GPC5: variants seen among roughly 807,000 people sequenced by gnomAD.
The protein encoded by GPC5 is glypican 5.
GPC5 carries 47 observed loss-of-function variants against 53.9 expected under a neutral mutation model. That is an observed-to-expected ratio of 0.87 (90% CI 0.69 to 1.11). The LOEUF (loss-of-function observed/expected upper bound fraction) is 1.11, where lower values mean the gene tolerates loss of function less well. Among genes scored for constraint, GPC5 ranks in the 50% most tolerant of loss-of-function variants. The probability of loss-of-function intolerance (pLI) is 0.00; values close to 1 mark genes in which losing one functional copy is unlikely to be tolerated. For missense variants in GPC5, 748 were observed against 713.1 expected (o/e 1.05, Z -0.56); for synonymous variants, 286 against 263.3 (o/e 1.09, Z -0.84).
At chr13:92,302,422 T>C (rs983695271) in intron 7 of GPC5, among the ~76,000 whole-genome samples, 7 of 152,312 alleles carry the variant, frequency 4.6e-5, no homozygotes, top group African/African-American at 1.7e-4. Flanking sequence ...AATGCAAACT[T>C]CATTTTGTTA....
intron 5 of GPC5, among the ~76,000 whole-genome samples, chr13:91,860,952 A>G (rs1290654921): frequency 6.6e-6 from 1 of 152,074 alleles, no homozygotes; most frequent in East Asian, 1.9e-4. Context: ...TATTTTTTCT[A>G]AATTATCTTT....
At chr13:91,860,469 C>T (rs2039014623) in intron 5 of GPC5, among the ~76,000 whole-genome samples, 1 of 146,666 alleles carries the variant, frequency 6.8e-6, no homozygotes, top group Admixed American at 6.8e-5. Context: ...TTCCTTCCTT[C>T]CTGCCTTCCT....
At chr13:92,113,765 T>G (rs1476949929) in intron 6 of GPC5, among the ~76,000 whole-genome samples, 1 of 151,132 alleles carries the variant, frequency 6.6e-6, no homozygotes, top group Non-Finnish European at 1.5e-5. Flanking sequence ...TCCAGAGAAA[T>G]AAAGGTTATT....
intron 5 of GPC5, among the ~76,000 whole-genome samples, chr13:91,867,584 GTGTT>G (rs2039098455): frequency 6.6e-6 from 1 of 152,214 alleles, no homozygotes; most frequent in South Asian, 2.1e-4. Context: ...GGTTTTCAGT[GTGTT>G]TGTCCCTATC....
intron 2 of GPC5, among the ~76,000 whole-genome samples, chr13:91,572,966 G>A (rs1007755741): frequency 3.3e-5 from 5 of 152,122 alleles, no homozygotes; most frequent in Non-Finnish European, 5.9e-5. Context: ...AAGGCATACC[G>A]GAGAAAAGGA....
At chr13:92,475,385 T>C (rs1879072487) in intron 7 of GPC5, among the ~76,000 whole-genome samples, 1 of 146,654 alleles carries the variant, frequency 6.8e-6, no homozygotes, top group Admixed American at 6.9e-5. Context: ...CCTTGAGCAG[T>C]GGTTTGTAGT....
At chr13:92,529,699 A>G (rs558558918) in intron 7 of GPC5, among the ~76,000 whole-genome samples, 4 of 152,210 alleles carry the variant, frequency 2.6e-5, no homozygotes, top group Non-Finnish European at 5.9e-5. Flanking sequence ...AACACTTTTA[A>G]CCTAGAATTT....
At chr13:92,656,528 G>A (rs1886143226) in intron 7 of GPC5, among the ~76,000 whole-genome samples, 1 of 152,072 alleles carries the variant, frequency 6.6e-6, no homozygotes, top group African/African-American at 2.4e-5. Flanking sequence ...GAACCAATGG[G>A]CTACATTCAA....
At chr13:91,895,100 G>A (rs2039427307) in intron 5 of GPC5, among the ~76,000 whole-genome samples, 2 of 151,196 alleles carry the variant, frequency 1.3e-5, no homozygotes. Flanking sequence ...AGGTCCGCCT[G>A]AGTGAAGACT....
At chr13:92,815,683 T>C (rs1877448743) in intron 7 of GPC5, among the ~76,000 whole-genome samples, 1 of 151,740 alleles carries the variant, frequency 6.6e-6, no homozygotes, top group African/African-American at 2.4e-5. Flanking sequence ...TCAATGGTGG[T>C]GGCCAGGACT....
intron 7 of GPC5, among the ~76,000 whole-genome samples, chr13:92,669,346 C>G (rs540404208): frequency 4.8e-4 from 73 of 152,228 alleles, no homozygotes; most frequent in African/African-American, 1.7e-3. Flanking sequence ...CCTCCTCTCT[C>G]TACTCAAAAA....
intron 7 of GPC5, among the ~76,000 whole-genome samples, chr13:92,229,935 ATTAAGATGGAAT>A (rs1281939996): frequency 2.6e-5 from 4 of 152,120 alleles, no homozygotes; most frequent in Non-Finnish European, 5.9e-5. Flanking sequence ...ACAAATTTAT[ATTAAGATGGAAT>A]TTAATTATTA....
intron 1 of GPC5, among the ~76,000 whole-genome samples, chr13:91,412,894 G>T (rs1009594601): frequency 6.6e-6 from 1 of 152,176 alleles, no homozygotes; most frequent in Non-Finnish European, 1.5e-5. Context: ...TTATATATAA[G>T]CATGTTCATT....
chr13:92,615,300 A>T (rs1215146805), intron 7 of GPC5, among the ~76,000 whole-genome samples: 1 of 152,234 alleles, frequency 6.6e-6, no homozygotes, highest in African/African-American at 2.4e-5. Flanking sequence ...TATTTCAAAT[A>T]GTGCTAGAAA....
At chr13:91,978,772 T>G (rs1390830674) in intron 6 of GPC5, among the ~76,000 whole-genome samples, 1 of 152,166 alleles carries the variant, frequency 6.6e-6, no homozygotes, top group Admixed American at 6.5e-5. Flanking sequence ...AAAAAGATTA[T>G]CTGATGGCTT....
chr13:91,733,410 G>A (rs2036745180), intron 4 of GPC5, among the ~76,000 whole-genome samples: 1 of 152,152 alleles, frequency 6.6e-6, no homozygotes, highest in South Asian at 2.1e-4. Flanking sequence ...AGGGATTACA[G>A]GCGTCAGCCA....
At chr13:92,649,215 A>C (rs991213925) in intron 7 of GPC5, among the ~76,000 whole-genome samples, 1 of 152,140 alleles carries the variant, frequency 6.6e-6, no homozygotes, top group South Asian at 2.1e-4. Context: ...CATTTAATCC[A>C]AGTTCAATTT....
chr13:91,799,832 C>G (rs946927630), intron 5 of GPC5, among the ~76,000 whole-genome samples: 10 of 152,132 alleles, frequency 6.6e-5, no homozygotes, highest in African/African-American at 2.4e-4. Context: ...CAGTGTTCTA[C>G]TGAAAACCAA....
In GPC5 at chr13:92,123,802, CAG is replaced by C. The variant is rs572480460; in HGVS notation, c.1402-21026_1402-21025del. 2.7e-3 allele frequency among the ~76,000 whole-genome samples: 404 copies of C among 152,172 alleles called. 1 individual carries two copies. The highest frequency in any genetic ancestry group is 4.1e-3 in the Non-Finnish European group (280 of 67,986). On this transcript the variant is annotated intron_variant, in intron 6 of 7. Transcript: ENST00000377067. ...GCCTTTTAAATACATACATAAGAAA[CAG>C]ATATTAAAAATTAATTCAAAGCATA...
Sources: gnomAD v4.1 joint callset for allele counts (sites outside exome capture counted in the v4.1 genomes callset) on GRCh38, gnomAD v4.1.1 for gene constraint, MANE v1.5 for transcripts, NCBI Gene and HGNC (gene_info 2026-07-23, HGNC 2026-07-21) for gene names.